The following FRYL variants were observed in gnomAD, a reference collection of about 807,000 sequenced individuals.
The protein encoded by FRYL is FRY like transcription coactivator.
Under a neutral mutation model 351.2 loss-of-function variants are expected in FRYL, and 150 were observed. The ratio of observed to expected loss-of-function variants is 0.43; its 90% CI spans 0.37 to 0.49. The LOEUF (loss-of-function observed/expected upper bound fraction) is 0.49. Ranked by LOEUF, FRYL falls within the 20% of genes least tolerant of loss-of-function variation. FRYL has a pLI of 0.00. For missense variants in FRYL, 3,036 were observed against 3,619.3 expected (o/e 0.84, Z 4.13); for synonymous variants, 1,153 against 1,257.1 (o/e 0.92, Z 1.75).
Position 48,547,608 on chromosome 4 carries a change from C to A in FRYL, c.5050G>T (p.Ala1684Ser). 6.4e-7 allele frequency: 1 copy of A among 1,571,018 alleles called. No individual in the cohort carries two copies. The change falls in exon 41 of 64, where the codon GCA becomes TCA. Residue 1684 changes from alanine to serine, a missense_variant. Coordinates refer to ENST00000358350, the MANE Select transcript of FRYL (RefSeq NM_015030.2). ...EPRVLTVKQV[A>S]HLDYNFTAGI... is the part of the protein sequence containing the mutation. ...CCTGTGAAATTATAATCTAAGTGTG[C>A]AACTTGTTTGACTGTAAGCACCCTG...
intron 19 of FRYL, among the ~76,000 whole-genome samples, chr4:48,584,766 GGAC>G (rs1328591530): frequency 1.3e-5 from 2 of 152,138 alleles, no homozygotes; most frequent in Non-Finnish European, 2.9e-5. Context: ...CTTTCCTTAG[GGAC>G]AGGATACAGG....
intron 1 of FRYL, among the ~76,000 whole-genome samples, chr4:48,742,585 A>G (rs929781853): frequency 2.6e-5 from 4 of 152,176 alleles, no homozygotes; most frequent in Non-Finnish European, 5.9e-5. Flanking sequence ...ACTGTAACAG[A>G]CCAACTCAGG....
Position 48,567,196 on chromosome 4 carries a change from A to C in FRYL, c.3169+52T>G. 3.4e-6 allele frequency: 5 copies of C among 1,454,518 alleles called. No homozygotes were observed. Among genetic ancestry groups the C allele is most frequent in the Non-Finnish European group, 4.7e-6 (5 of 1,075,104 alleles). 90.1% of individuals were successfully genotyped at this position (1,454,518 alleles called of 1,614,324 possible). On this transcript the variant is annotated intron_variant, in intron 28 of 63. Coordinates refer to ENST00000358350, the MANE Select transcript of FRYL (RefSeq NM_015030.2). The surrounding 1 kb of genome is among the most constrained non-coding windows in gnomAD (Gnocchi z 4.2). The stretch of plus-strand genomic sequence containing the variant: ...TTATTAAACCTCAAGGAAAGAAAAA[A>C]TATGACGGTTCCTTAATACTCAATA...
intron 18 of FRYL, among the ~76,000 whole-genome samples, chr4:48,588,979 G>GT (rs1458072006): frequency 6.6e-6 from 1 of 152,164 alleles, no homozygotes; most frequent in Non-Finnish European, 1.5e-5. Context: ...CCCAGAGGAA[G>GT]TAACATTGGC....
chr4:48,581,715 C>T, intron 20 of FRYL, 110 bp from the exon 21 acceptor site: 1 of 844,202 alleles, frequency 1.2e-6, no homozygotes, highest in Non-Finnish European at 1.8e-6. Flanking sequence ...TACCGGTCTG[C>T]CTCAGCTCAA....
chr4:48,573,393 AATAACAC>A (rs1738814392), intron 25 of FRYL, 150 bp from the exon 26 acceptor site: 11 of 593,974 alleles, frequency 1.9e-5, no homozygotes, highest in Non-Finnish European at 3.2e-5. Context: ...TGGTTTATAA[AATAACAC>A]ATTATATTAT....
At chr4:48,580,138 T>C (rs1740574351) in intron 22 of FRYL, among the ~76,000 whole-genome samples, 1 of 152,136 alleles carries the variant, frequency 6.6e-6, no homozygotes, top group East Asian at 1.9e-4. Context: ...CTTGGCTACA[T>C]ATAACTCATG....
At chr4:48,651,304 T>A (rs796362859) in intron 3 of FRYL, among the ~76,000 whole-genome samples, 1 of 140,776 alleles carries the variant, frequency 7.1e-6, no homozygotes, top group African/African-American at 2.7e-5. Flanking sequence ...TGTGTGTGTG[T>A]GTGTGTGTGT....
At chr4:48,691,982 G>A (rs1299769755) in intron 2 of FRYL, among the ~76,000 whole-genome samples, 1 of 152,012 alleles carries the variant, frequency 6.6e-6, no homozygotes, top group East Asian at 1.9e-4. Flanking sequence ...GAATGTTGCT[G>A]AGCAACTATA....
intron 7 of FRYL, among the ~76,000 whole-genome samples, chr4:48,613,958 A>G (rs1361600611): frequency 6.7e-6 from 1 of 149,896 alleles, no homozygotes; most frequent in African/African-American, 2.5e-5. Flanking sequence ...TCCAACCAAA[A>G]AAAAAAAAAA....
At position 48,497,596 on chromosome 4, in the gene FRYL, A is replaced by G. The variant is rs1718711020; in HGVS notation, c.*1826T>C. On this transcript the variant is annotated 3_prime_UTR_variant, in exon 64 of 64. Coordinates refer to ENST00000358350, the MANE Select transcript of FRYL (RefSeq NM_015030.2). ...GCTACAATGCTTTTTATTTTTAACA[A>G]AAAGGATGTAAGGAGGGTAAGAAAA... 6.6e-6 allele frequency: 1 copy of G among 152,644 alleles called. No homozygotes were observed. The highest frequency in any genetic ancestry group is 6.5e-5 in the Admixed American group (1 of 15,282). 9.5% of individuals were successfully genotyped at this position (152,644 alleles called of 1,614,324 possible).
chr4:48,606,276 G>GAA (rs1040447059), intron 10 of FRYL, among the ~76,000 whole-genome samples, 162 bp downstream of exon 10: 1 of 141,768 alleles, frequency 7.1e-6, no homozygotes, highest in Non-Finnish European at 1.6e-5. Flanking sequence ...CTGTCTCAAG[G>GAA]AAAAAAAAAA....
At chr4:48,657,415 G>A (rs1422747880) in intron 3 of FRYL, among the ~76,000 whole-genome samples, 1 of 125,726 alleles carries the variant, frequency 8.0e-6, no homozygotes, top group Non-Finnish European at 1.6e-5. Flanking sequence ...TACTAATCCT[G>A]TTTTTAAATT....
intron 1 of FRYL, among the ~76,000 whole-genome samples, chr4:48,758,108 T>C (rs1773992781): frequency 1.3e-5 from 2 of 152,212 alleles, no homozygotes; most frequent in African/African-American, 4.8e-5. Context: ...AAGACTTAAA[T>C]GGCAGACCTG....
chr4:48,713,332 C>G (rs1269716167), intron 1 of FRYL, among the ~76,000 whole-genome samples: 1 of 152,038 alleles, frequency 6.6e-6, no homozygotes, highest in Non-Finnish European at 1.5e-5. Flanking sequence ...TGGCAAATTG[C>G]ATAAAGAGTC....
intron 1 of FRYL, among the ~76,000 whole-genome samples, chr4:48,776,324 A>G (rs1776025530): frequency 6.6e-6 from 1 of 152,154 alleles, no homozygotes; most frequent in Non-Finnish European, 1.5e-5. Context: ...CTTTCATATT[A>G]ATATTTTACA....
intron 9 of FRYL, 91 bp downstream of exon 9, chr4:48,608,896 G>T: frequency 2.5e-6 from 2 of 802,216 alleles, no homozygotes; most frequent in Non-Finnish European, 4.4e-6. Context: ...GAAAATGGTG[G>T]ATTTCGAACT....
intron 2 of FRYL, among the ~76,000 whole-genome samples, chr4:48,688,754 C>T (rs1267225430): frequency 6.7e-6 from 1 of 149,920 alleles, no homozygotes; most frequent in Non-Finnish European, 1.5e-5. Context: ...CCTCTGCCTC[C>T]CATATTCAAG....
chr4:48,628,806 T>C (rs1334828216), intron 4 of FRYL, among the ~76,000 whole-genome samples: 1 of 151,966 alleles, frequency 6.6e-6, no homozygotes, highest in Non-Finnish European at 1.5e-5. Context: ...TTATTATACG[T>C]CAATTATTTT....
Sources: allele counts gnomAD v4.1 joint callset (sites outside exome capture counted in the v4.1 genomes callset), GRCh38; gene constraint gnomAD v4.1.1; non-coding constraint Gnocchi (gnomAD v3.1); transcripts MANE v1.5; gene names NCBI Gene and HGNC (gene_info 2026-07-23, HGNC 2026-07-21).